BBIP1: variants seen among roughly 807,000 people sequenced by gnomAD.
BBIP1 encodes BBSome-interacting protein 1.
BBIP1 carries 6 observed loss-of-function variants against 8.9 expected under a neutral mutation model. That is an observed-to-expected ratio of 0.67 (90% CI 0.37 to 1.33). The LOEUF (loss-of-function observed/expected upper bound fraction) is 1.33, where lower values mean the gene tolerates loss of function less well. BBIP1 is among the 40% of genes most tolerant of loss of function. BBIP1 has a pLI of 0.02. For synonymous variants in BBIP1, 32 were observed against 33.4 expected, an observed-to-expected ratio of 0.96 and a Z score of 0.14; for missense variants, 111 against 109.2, an observed-to-expected ratio of 1.02 and a Z score of -0.07.
intron 2 of BBIP1, chr10:110,906,949 C>G (rs757275015): frequency 6.6e-6 from 1 of 152,214 alleles, no homozygotes; most frequent in Admixed American, 6.5e-5. Flanking sequence ...CTAACAATCA[C>G]GTAGTGACCT....
chr10:110,911,133 G>C (rs998424308), intron 2 of BBIP1: 2 of 152,148 alleles, frequency 1.3e-5, no homozygotes, highest in African/African-American at 4.8e-5. Context: ...CCCTGCATGA[G>C]AGCTCAATGA....
chr10:110,901,688 A>G, intron 2 of BBIP1, 76 bp from the exon 3 acceptor site: 1 of 1,186,820 alleles, frequency 8.4e-7, no homozygotes, highest in Non-Finnish European at 1.2e-6. Context: ...TTGTAGTTTA[A>G]GAAGTAAAAT....
In BBIP1 at chr10:110,900,486, A is replaced by G. The variant is rs1845966177; in HGVS notation, c.153T>C (p.Cys51=). The G allele has an allele frequency of 6.5e-7, 1 of 1,535,724 alleles. No individual in the cohort carries two copies. Among genetic ancestry groups the G allele is most frequent in the African/African-American group, 1.4e-5 (1 of 73,124 alleles). Residue 51 remains cysteine (C), a synonymous_variant, in exon 4 of 4, where the codon TGT becomes TGC. Transcript: ENST00000448814. ...FVEDIMTMVL[C]KPKLLPLKSL... ...ATTTTAAGGGTAAAAGTTTGGGTTTACACAGCACCATTGTCATTATATCTT... is the reference window on the plus strand; with the variant it reads ...ATTTTAAGGGTAAAAGTTTGGGTTTGCACAGCACCATTGTCATTATATCTT...
intron 1 of BBIP1, among the ~76,000 whole-genome samples, chr10:110,918,424 G>C (rs1428030648): frequency 6.6e-6 from 1 of 152,238 alleles, no homozygotes; most frequent in Non-Finnish European, 1.5e-5. Flanking sequence ...AAAAGATTGA[G>C]GTCCTGCCCT....
At chr10:110,916,876 T>G (rs180913618) in intron 2 of BBIP1, among the ~76,000 whole-genome samples, 2 of 152,322 alleles carry the variant, frequency 1.3e-5, no homozygotes, top group East Asian at 3.9e-4. Flanking sequence ...ACCCTCTTCT[T>G]TGTAGGACAC....
intron 2 of BBIP1, chr10:110,907,474 C>T: frequency 2.5e-6 from 1 of 403,598 alleles, no homozygotes. Context: ...GATCACGCCA[C>T]TGCATTCTAG....
Position 110,900,209 on chromosome 10 carries a change from A to G in BBIP1, c.*151T>C, listed in dbSNP as rs1845954823. On this transcript the variant is annotated 3_prime_UTR_variant, in exon 4 of 4. Coordinates refer to ENST00000448814, the MANE Select transcript of BBIP1 (RefSeq NM_001195305.3). Reference sequence around the variant, plus strand: ...CCAGAGTGTTTACATTCACAATACAAATTTCATCAATCTTGGATATTTTTG... The same window carrying G: ...CCAGAGTGTTTACATTCACAATACAGATTTCATCAATCTTGGATATTTTTG... The G allele has an allele frequency of 6.2e-6, 5 of 802,070 alleles. No homozygotes were observed. The highest frequency in any genetic ancestry group is 9.2e-6 in the Non-Finnish European group (5 of 544,546). The allele number at this position is 802,070 out of a possible 1,614,324, so 49.7% of individuals were successfully genotyped here. A position where few individuals can be genotyped will look rare whatever the true frequency, so the allele number is the denominator to read the frequency against.
chr10:110,907,748 G>A (rs117419791), intron 2 of BBIP1: 8,538 of 702,200 alleles, frequency 0.012, 89 homozygotes, highest in Middle Eastern at 0.025. Context: ...CTGGTATAAA[G>A]GATGGTGATT....
chr10:110,909,017 T>C (rs1435424582), intron 2 of BBIP1, among the ~76,000 whole-genome samples: 1 of 152,174 alleles, frequency 6.6e-6, no homozygotes, highest in Non-Finnish European at 1.5e-5. Flanking sequence ...CTAGCTACAC[T>C]GTGAAATCAT....
In BBIP1 at chr10:110,900,260, A is replaced by T; in HGVS notation, c.*100T>A. 8.9e-7 allele frequency: 1 copy of T among 1,127,134 alleles called. No individual in the cohort carries two copies. Among genetic ancestry groups the T allele is most frequent in the Non-Finnish European group, 1.2e-6 (1 of 830,898 alleles). 69.8% of individuals were successfully genotyped at this position (1,127,134 alleles called of 1,614,324 possible). ...TATTTCTATGAATACTATCAATTTT[A>T]TTGATAACACATACTACTTTCAGCA... On this transcript the variant is annotated 3_prime_UTR_variant, in exon 4 of 4. Coordinates refer to ENST00000448814, the MANE Select transcript of BBIP1 (RefSeq NM_001195305.3).
At chr10:110,915,238 C>T (rs968767314) in intron 2 of BBIP1, among the ~76,000 whole-genome samples, 1 of 152,120 alleles carries the variant, frequency 6.6e-6, no homozygotes, top group Non-Finnish European at 1.5e-5. Flanking sequence ...CTCACCACAG[C>T]CTTGACCTTC....
chr10:110,900,236 ATT>A lies in BBIP1; in HGVS notation c.*122_*123del, dbSNP rs1845955563. The stretch of plus-strand genomic sequence containing the variant: ...TTTCATCAATCTTGGATATTTTTGT[ATT>A]TCTATGAATACTATCAATTTTATTG... On this transcript the variant is annotated 3_prime_UTR_variant, in exon 4 of 4. Coordinates refer to ENST00000448814, the MANE Select transcript of BBIP1 (RefSeq NM_001195305.3). 1 of 928,196 alleles carries A rather than the reference ATT, an allele frequency of 1.1e-6. No homozygotes were observed. Among genetic ancestry groups the A allele is most frequent in the African/African-American group, 1.7e-5 (1 of 58,972 alleles). The allele number at this position is 928,196 out of a possible 1,614,324, so 57.5% of individuals were successfully genotyped here. A position where few individuals can be genotyped will look rare whatever the true frequency, so the allele number is the denominator to read the frequency against.
chr10:110,907,925 G>C (rs1846185573), intron 2 of BBIP1: 2 of 590,488 alleles, frequency 3.4e-6, no homozygotes, highest in African/African-American at 1.9e-5. Context: ...ATTTCAAACA[G>C]GGGAGTTGAG....
intron 2 of BBIP1, chr10:110,907,651 T>A (rs569801734): frequency 4.7e-6 from 3 of 639,458 alleles, no homozygotes; most frequent in Admixed American, 5.1e-5. Context: ...ATATAAAAGT[T>A]TAGGATCTGA....
intron 3 of BBIP1, 47 bp downstream of exon 3, chr10:110,901,491 T>C (rs891368757): frequency 7.3e-7 from 1 of 1,374,620 alleles, no homozygotes; most frequent in Non-Finnish European, 1.0e-6. Context: ...CTATGACTTC[T>C]TTAGTCCTGT....
At chr10:110,917,892 A>G (rs981382013) in intron 2 of BBIP1, 3 of 573,298 alleles carry the variant, frequency 5.2e-6, no homozygotes, top group Non-Finnish European at 9.3e-6. Flanking sequence ...CTCAGAGGAA[A>G]TTACTTCCTG....
intron 2 of BBIP1, among the ~76,000 whole-genome samples, chr10:110,912,529 G>T (rs1030579037): frequency 2.0e-5 from 3 of 152,112 alleles, no homozygotes; most frequent in African/African-American, 7.2e-5. Flanking sequence ...GTAAGCTGTG[G>T]TCACACAGTG....
In BBIP1 at chr10:110,918,105, C is replaced by A. The variant is rs757215907; in HGVS notation, c.37+16G>T. 50 of 1,534,452 alleles carry A rather than the reference C, an allele frequency of 3.3e-5. 1 individual carries two copies. In the Middle Eastern group the frequency reaches 6.7e-4, roughly 20 times the overall value. ...GTATTGTTGACTGGCTGGATATTAA[C>A]CATTTTCAATTTTACCTGAAAGTTC... On this transcript the variant is annotated intron_variant, in intron 2 of 3. Transcript: ENST00000448814.
chr10:110,913,902 A>G (rs575564345), intron 2 of BBIP1, among the ~76,000 whole-genome samples: 8 of 152,346 alleles, frequency 5.3e-5, no homozygotes, highest in South Asian at 2.1e-4. Context: ...ATTTGAGCCA[A>G]TGTTTAAAAA....
Sources: gnomAD v4.1 joint callset for allele counts (sites outside exome capture counted in the v4.1 genomes callset) on GRCh38, gnomAD v4.1.1 for gene constraint, MANE v1.5 for transcripts, NCBI Gene and HGNC (gene_info 2026-07-23, HGNC 2026-07-21) for gene names.